Variants in COL8A1 observed in about 807,000 individuals in gnomAD.
COL8A1 encodes collagen alpha-1(VIII) chain.
In COL8A1, 21 loss-of-function variants were observed where a neutral mutation model predicts 42.7. That is an observed-to-expected ratio of 0.49 (90% CI 0.35 to 0.71). The LOEUF (loss-of-function observed/expected upper bound fraction) is 0.71. COL8A1 is among the 30% of genes least tolerant of loss of function. The pLI is 0.01. For synonymous variants in COL8A1, 367 were observed against 369.1 expected, an observed-to-expected ratio of 0.99 and a Z score of 0.06; for missense variants, 788 against 962.4, an observed-to-expected ratio of 0.82 and a Z score of 2.40.
In COL8A1 at chr3:99,794,653, C is replaced by CA. The variant is rs1234710440; in HGVS notation, c.753dup (p.Gly252ArgfsTer110). The CA allele has an allele frequency of 6.2e-7, 1 of 1,613,762 alleles. No homozygotes were observed. On this transcript the variant is annotated frameshift_variant, in exon 4 of 4. Coordinates refer to ENST00000652472, the MANE Select transcript of COL8A1 (RefSeq NM_020351.4). LOFTEE classifies it high-confidence loss of function. The surrounding 1 kb of genome is among the most constrained non-coding windows in gnomAD (Gnocchi z 4.3). ...AAGGGCTTCGGGATGCCAGGTGCGC[C>CA]AGGTGTAAAGGGGCCTCCAGGGATG...
At chr3:99,664,811 A>G (rs1027502518) in intron 1 of COL8A1, among the ~76,000 whole-genome samples, 3 of 152,232 alleles carry the variant, frequency 2.0e-5, no homozygotes, top group African/African-American at 7.2e-5. Context: ...TCAAATATTT[A>G]TGCATGGCCA....
intron 1 of COL8A1, among the ~76,000 whole-genome samples, chr3:99,733,459 C>T (rs1940590170): frequency 6.8e-6 from 1 of 147,166 alleles, no homozygotes; most frequent in African/African-American, 2.5e-5. Flanking sequence ...TCATCCATGT[C>T]CCTACAAAGG....
chr3:99,764,358 T>C (rs966028007), intron 2 of COL8A1, among the ~76,000 whole-genome samples: 3 of 152,188 alleles, frequency 2.0e-5, no homozygotes, highest in African/African-American at 7.2e-5. Flanking sequence ...TCAATGAATA[T>C]AAAGAGCAGA....
intron 2 of COL8A1, among the ~76,000 whole-genome samples, chr3:99,767,952 T>C (rs1941496619): frequency 6.6e-6 from 1 of 152,056 alleles, no homozygotes; most frequent in Non-Finnish European, 1.5e-5. Context: ...CTGTTGAAGG[T>C]GATATAAGGA....
intron 2 of COL8A1, among the ~76,000 whole-genome samples, chr3:99,776,270 A>G (rs1289766503): frequency 6.6e-6 from 1 of 152,180 alleles, no homozygotes; most frequent in Non-Finnish European, 1.5e-5. Context: ...CAGGTAAAAG[A>G]GAAAAGGGGA....
chr3:99,712,382 G>T lies in COL8A1; in HGVS notation c.-128-32515G>T, dbSNP rs186212552. 3.5e-3 allele frequency among the ~76,000 whole-genome samples: 540 copies of T among 152,164 alleles called. 5 individuals are homozygous for T. Among genetic ancestry groups the T allele is most frequent in the African/African-American group, 0.012 (509 of 41,516 alleles). ...TTTGTTTAAAATTGAGGGGAAAACC[G>T]CTTGGCAAGGCATGTTGGCCAAGCC... On this transcript the variant is annotated intron_variant, in intron 1 of 3. Transcript: ENST00000652472.
chr3:99,755,254 T>A (rs1432965774), intron 2 of COL8A1, among the ~76,000 whole-genome samples: 1 of 152,164 alleles, frequency 6.6e-6, no homozygotes, highest in Admixed American at 6.6e-5. Flanking sequence ...GGCCCCACAA[T>A]TATAGTTTAA....
chr3:99,643,595 T>C (rs1280841234), intron 1 of COL8A1, among the ~76,000 whole-genome samples: 3 of 152,238 alleles, frequency 2.0e-5, no homozygotes, highest in Non-Finnish European at 4.4e-5. Flanking sequence ...TATACAGACA[T>C]ACAGTGACTC....
intron 1 of COL8A1, among the ~76,000 whole-genome samples, chr3:99,644,881 G>T (rs147382729): frequency 1.3e-5 from 2 of 152,284 alleles, no homozygotes; most frequent in African/African-American, 4.8e-5. Context: ...AGCTTCTCTA[G>T]TCCCCTCTGT....
intron 1 of COL8A1, among the ~76,000 whole-genome samples, chr3:99,640,175 A>G (rs1322247562): frequency 6.6e-6 from 1 of 152,246 alleles, no homozygotes; most frequent in Non-Finnish European, 1.5e-5. Flanking sequence ...AAAATATTGC[A>G]AGAAGTGCAG....
In COL8A1 at chr3:99,681,632, G is replaced by A. The variant is rs143722447; in HGVS notation, c.-129+42968G>A. 1.8e-3 allele frequency among the ~76,000 whole-genome samples: 270 copies of A among 152,304 alleles called. 1 individual carries two copies. The highest frequency in any genetic ancestry group is 5.4e-3 in the African/African-American group (223 of 41,560). ...TATTTCCTCAAAGACTAAAACACAAGAAGACTGCTTTCAATTACAACAGCA... is the reference window on the plus strand; with the variant it reads ...TATTTCCTCAAAGACTAAAACACAAAAAGACTGCTTTCAATTACAACAGCA... On this transcript the variant is annotated intron_variant, in intron 1 of 3. Transcript: ENST00000652472.
At chr3:99,660,541 G>A (rs1158192545) in intron 1 of COL8A1, among the ~76,000 whole-genome samples, 1 of 152,084 alleles carries the variant, frequency 6.6e-6, no homozygotes, top group African/African-American at 2.4e-5. Context: ...CTGGCAATAG[G>A]TAGAAGGATT....
At chr3:99,669,671 T>A (rs13079203) in intron 1 of COL8A1, among the ~76,000 whole-genome samples, 2 of 151,988 alleles carry the variant, frequency 1.3e-5, no homozygotes, top group African/African-American at 2.4e-5. Flanking sequence ...TCCACTTCCA[T>A]ATCCTACATA....
chr3:99,710,526 T>G (rs980040280), intron 1 of COL8A1, among the ~76,000 whole-genome samples: 1 of 152,220 alleles, frequency 6.6e-6, no homozygotes, highest in African/African-American at 2.4e-5. Flanking sequence ...TAACATTTAA[T>G]GAACCAAAGC....
chr3:99,676,180 A>G (rs920738611), intron 1 of COL8A1, among the ~76,000 whole-genome samples: 2 of 152,138 alleles, frequency 1.3e-5, no homozygotes, highest in Admixed American at 6.6e-5. Flanking sequence ...AAACTAAATC[A>G]TTTTTGTAAA....
chr3:99,668,536 A>G (rs1938434321), intron 1 of COL8A1, among the ~76,000 whole-genome samples: 1 of 152,224 alleles, frequency 6.6e-6, no homozygotes, highest in East Asian at 1.9e-4. Flanking sequence ...ACATAATGCC[A>G]TTTCACATGT....
rs182504520 is a variant in COL8A1, at chr3:99,683,889, A to G, written c.-129+45225A>G. Among the ~76,000 whole-genome samples the G allele has an allele frequency of 2.4e-3, 362 of 152,296 alleles. 2 individuals are homozygous for G. The highest frequency in any genetic ancestry group is 3.4e-3 in the Non-Finnish European group (230 of 68,024). ...AGTGCTGTGACTGGACTTTGTCTCTATAAGACCAAAACAATAAGCTAAAAA... is the reference window on the plus strand; with the variant it reads ...AGTGCTGTGACTGGACTTTGTCTCTGTAAGACCAAAACAATAAGCTAAAAA... On this transcript the variant is annotated intron_variant, in intron 1 of 3. Transcript: ENST00000652472.
chr3:99,672,043 G>A (rs1448547681), intron 1 of COL8A1, among the ~76,000 whole-genome samples: 1 of 152,016 alleles, frequency 6.6e-6, no homozygotes, highest in Non-Finnish European at 1.5e-5. Context: ...ATTATGCTGA[G>A]TTAACCACTT....
intron 2 of COL8A1, among the ~76,000 whole-genome samples, chr3:99,779,810 G>GT (rs34442801): frequency 0.094 from 14,291 of 152,204 alleles, 751 homozygotes; most frequent in Middle Eastern, 0.11. Flanking sequence ...CCATGATCCT[G>GT]CATTCAGGTC....
Sources: gnomAD v4.1 joint callset for allele counts (sites outside exome capture counted in the v4.1 genomes callset) on GRCh38, gnomAD v4.1.1 for gene constraint, Gnocchi (gnomAD v3.1) non-coding constraint, MANE v1.5 for transcripts, NCBI Gene and HGNC (gene_info 2026-07-23, HGNC 2026-07-21) for gene names.